ZNF346: variants seen among roughly 807,000 people sequenced by gnomAD.
The protein encoded by ZNF346 is double-stranded RNA-binding zinc finger protein JAZ.
In ZNF346, 23 loss-of-function variants were observed where a neutral mutation model predicts 33.7. The ratio of observed to expected loss-of-function variants is 0.68; its 90% CI spans 0.49 to 0.97. The LOEUF is 0.97. Among genes scored for constraint, ZNF346 ranks in the 50% least tolerant of loss-of-function variants. The probability of loss-of-function intolerance (pLI) is 0.00; values close to 1 mark genes in which losing one functional copy is unlikely to be tolerated. For missense variants in ZNF346, 340 were observed against 371.1 expected (o/e 0.92, Z 0.69); for synonymous variants, 134 against 142.4 (o/e 0.94, Z 0.42).
At chr5:177,034,772 A>G (rs1778238403) in intron 1 of ZNF346, among the ~76,000 whole-genome samples, 1 of 152,182 alleles carries the variant, frequency 6.6e-6, no homozygotes, top group Non-Finnish European at 1.5e-5. Context: ...CCTCTTGGCT[A>G]TTGTTGCTGT....
chr5:177,075,431 A>G (rs1244653620), intron 8 of ZNF346, among the ~76,000 whole-genome samples: 2 of 152,078 alleles, frequency 1.3e-5, no homozygotes, highest in Non-Finnish European at 2.9e-5. Context: ...AAAAATCTAC[A>G]CTTTTTAATA....
At chr5:177,023,141 C>T in intron 1 of ZNF346, 2 of 1,408,600 alleles carry the variant, frequency 1.4e-6, no homozygotes, top group South Asian at 1.2e-5. Context: ...TCCTCCTCCT[C>T]CTTCATCATT....
intron 8 of ZNF346, among the ~76,000 whole-genome samples, chr5:177,074,318 C>A (rs570746857): frequency 6.6e-6 from 1 of 152,340 alleles, no homozygotes; most frequent in South Asian, 2.1e-4. Flanking sequence ...CCTCCACTCT[C>A]CTGGCTTTTG....
intron 1 of ZNF346, among the ~76,000 whole-genome samples, chr5:177,037,712 TCTC>T (rs1778694822): frequency 6.6e-6 from 1 of 152,134 alleles, no homozygotes; most frequent in African/African-American, 2.4e-5. Context: ...ACAGCAGCCT[TCTC>T]CTTGTTCTTT....
intron 1 of ZNF346, among the ~76,000 whole-genome samples, chr5:177,039,449 C>T (rs1181084147): frequency 6.7e-6 from 1 of 149,372 alleles, no homozygotes; most frequent in Non-Finnish European, 1.5e-5. Context: ...TCTTCCAGGG[C>T]ATCGACTTTT....
chr5:177,024,321 C>T (rs142375609), intron 1 of ZNF346, among the ~76,000 whole-genome samples: 14,638 of 150,852 alleles, frequency 0.097, 1,476 homozygotes, highest in African/African-American at 0.26. Flanking sequence ...CCTCAGCCTC[C>T]GGAGTAGCTG....
chr5:177,068,779 G>C (rs1783356519), downstream of ZNF346, among the ~76,000 whole-genome samples: 1 of 142,714 alleles, frequency 7.0e-6, no homozygotes, highest in South Asian at 2.2e-4. Flanking sequence ...AGGGGGAATG[G>C]ATGCAGGGGG....
At position 177,057,449 on chromosome 5, in the gene ZNF346, G is replaced by A. The variant is rs142518455; in HGVS notation, c.704-4609G>A. Among the ~76,000 whole-genome samples the A allele has an allele frequency of 3.5e-3, 533 of 150,804 alleles. 5 individuals are homozygous for A. The highest frequency in any genetic ancestry group is 0.012 in the African/African-American group (501 of 41,120). ...AAATAACATGACTTTAAAATCCAGT[G>A]TTCTCAGCCGGGCGTGGTGGCTCAC... On this transcript the variant is annotated intron_variant, in intron 5 of 6. Coordinates refer to ENST00000358149, the MANE Select transcript of ZNF346 (RefSeq NM_012279.4).
intron 8 of ZNF346, among the ~76,000 whole-genome samples, chr5:177,074,707 G>T (rs574096752): frequency 4.6e-5 from 7 of 152,154 alleles, no homozygotes; most frequent in Non-Finnish European, 8.8e-5. Flanking sequence ...GAAAACGTTC[G>T]CTGAGAGCCA....
intron 5 of ZNF346, among the ~76,000 whole-genome samples, chr5:177,054,513 C>G (rs1055687428): frequency 6.6e-6 from 1 of 152,086 alleles, no homozygotes; most frequent in Non-Finnish European, 1.5e-5. Context: ...ATTCTCCTGC[C>G]TCAGCCTCCC....
At chr5:177,045,159 T>C (rs1324041936) in intron 4 of ZNF346, among the ~76,000 whole-genome samples, 1 of 152,220 alleles carries the variant, frequency 6.6e-6, no homozygotes, top group Non-Finnish European at 1.5e-5. Context: ...CCTGACTTTC[T>C]GGGGTTTTAA....
chr5:177,067,115 A>G lies in ZNF346; in HGVS notation c.*2516A>G, dbSNP rs1469785802. Among the ~76,000 whole-genome samples the G allele has an allele frequency of 1.3e-5, 2 of 152,150 alleles. No individual in the cohort carries two copies. The highest frequency in any genetic ancestry group is 4.8e-5 in the African/African-American group (2 of 41,436). ...AGAAGGTAGCCAGGTGTGGTGGTGC[A>G]TTCCTGTAGTCCTGGCTACCTGGAA... On this transcript the variant is annotated 3_prime_UTR_variant, in exon 7 of 7. Coordinates refer to ENST00000358149, the MANE Select transcript of ZNF346 (RefSeq NM_012279.4).
At chr5:177,032,995 C>T (rs1035065551) in intron 1 of ZNF346, among the ~76,000 whole-genome samples, 2 of 152,222 alleles carry the variant, frequency 1.3e-5, no homozygotes, top group East Asian at 3.8e-4. Flanking sequence ...TTAGGCCATA[C>T]TGCCCATTAA....
At chr5:177,050,998 C>A in intron 5 of ZNF346, 62 bp downstream of exon 5, 1 of 1,339,330 alleles carries the variant, frequency 7.5e-7, no homozygotes, top group Non-Finnish European at 1.1e-6. Context: ...GCTACCCGGA[C>A]CAGCTGACGT....
intron 8 of ZNF346, among the ~76,000 whole-genome samples, chr5:177,078,965 C>T (rs183676697): frequency 1.7e-3 from 262 of 150,972 alleles, no homozygotes; most frequent in Non-Finnish European, 2.3e-3. Flanking sequence ...TGGTTAGATC[C>T]GTAGTTTAAA....
At position 177,058,471 on chromosome 5, in the gene ZNF346, C is replaced by CAATAA. The variant is rs370436537; in HGVS notation, c.704-3566_704-3562dup. On this transcript the variant is annotated intron_variant, in intron 5 of 6. Coordinates refer to ENST00000358149, the MANE Select transcript of ZNF346 (RefSeq NM_012279.4). ...GGGCAACAAAAGCGAAACTCCATCTCAATAAAATAAAATAAAATAAAATAA... is the reference window on the plus strand; with the variant it reads ...GGGCAACAAAAGCGAAACTCCATCTCAATAAAATAAAATAAAATAAAATAAAATAA... 9.3e-3 allele frequency among the ~76,000 whole-genome samples: 1,407 copies of CAATAA among 151,850 alleles called. 9 individuals are homozygous for CAATAA. The highest frequency in any genetic ancestry group is 0.028 in the South Asian group (135 of 4,784).
chr5:177,076,062 C>T (rs929461605), intron 8 of ZNF346, among the ~76,000 whole-genome samples: 2 of 151,628 alleles, frequency 1.3e-5, no homozygotes, highest in African/African-American at 2.4e-5. Context: ...GAATCCTCCT[C>T]GCTCAGCCTC....
chr5:177,053,328 A>C (rs1047760712), intron 5 of ZNF346, among the ~76,000 whole-genome samples: 1 of 151,426 alleles, frequency 6.6e-6, no homozygotes, highest in African/African-American at 2.4e-5. Flanking sequence ...AAAAAAAAAA[A>C]AAAAAAAAAA....
chr5:177,073,952 C>T (rs763116322), intron 8 of ZNF346, among the ~76,000 whole-genome samples: 3 of 152,030 alleles, frequency 2.0e-5, no homozygotes, highest in Non-Finnish European at 4.4e-5. Context: ...ATGCAGCTTC[C>T]GTTCCTGACC....
Sources: allele counts gnomAD v4.1 joint callset (sites outside exome capture counted in the v4.1 genomes callset), GRCh38; gene constraint gnomAD v4.1.1; transcripts MANE v1.5; gene names NCBI Gene and HGNC (gene_info 2026-07-23, HGNC 2026-07-21).